The following STAG1 variants were observed in gnomAD, a reference collection of about 807,000 sequenced individuals.
The protein encoded by STAG1 is cohesin subunit SA-1.
A neutral mutation model predicts 170.9 loss-of-function variants in STAG1; 26 were observed. The ratio of observed to expected loss-of-function variants is 0.15; its 90% CI spans 0.11 to 0.21. The LOEUF (loss-of-function observed/expected upper bound fraction) is 0.21. Ranked by LOEUF, STAG1 falls within the 10% of genes least tolerant of loss-of-function variation. STAG1 has a pLI of 1.00. For missense variants in STAG1, 964 were observed against 1,509.5 expected, an observed-to-expected ratio of 0.64 and a Z score of 5.99; for synonymous variants, 514 against 497.7, an observed-to-expected ratio of 1.03 and a Z score of -0.44.
intron 6 of STAG1, among the ~76,000 whole-genome samples, chr3:136,541,608 C>T (rs1214337651): frequency 2.3e-5 from 3 of 130,458 alleles, no homozygotes; most frequent in South Asian, 2.6e-4. Flanking sequence ...AGAATTTCCA[C>T]GTAAAATAAT....
chr3:136,453,577 C>A (rs34165586), intron 13 of STAG1, among the ~76,000 whole-genome samples: 2 of 144,462 alleles, frequency 1.4e-5, no homozygotes, highest in Non-Finnish European at 3.0e-5. Flanking sequence ...GGTGACAGAG[C>A]GAGACTATGT....
At chr3:136,461,681 C>T (rs1248092279) in intron 13 of STAG1, among the ~76,000 whole-genome samples, 2 of 150,252 alleles carry the variant, frequency 1.3e-5, no homozygotes, top group Non-Finnish European at 3.0e-5. Flanking sequence ...ATAGCATGGG[C>T]AATAAAAGGA....
At position 136,702,127 on chromosome 3, in the gene STAG1, GAGAC is replaced by G. The variant is rs1173316619; in HGVS notation, c.-84+50064_-84+50067del. On this transcript the variant is annotated intron_variant, in intron 1 of 33. Transcript: ENST00000383202. ...AGAGAGAGAGAGAGAGAGAGACAGA[GAGAC>G]AGAGAGACAGAGAGACAGAGAGACA... 9.2e-4 allele frequency among the ~76,000 whole-genome samples: 90 copies of G among 97,318 alleles called. 1 individual carries two copies. Among genetic ancestry groups the G allele is most frequent in the African/African-American group, 6.0e-3 (87 of 14,480 alleles). The allele number at this position is 97,318 out of a possible 152,430, so 63.8% of individuals were successfully genotyped here. A position where few individuals can be genotyped will look rare whatever the true frequency, so the allele number is the denominator to read the frequency against.
rs759390103 is a variant in STAG1, at chr3:136,651,377, A to T, written c.-83-20396T>A. ...CAAGACCCTATCTCACCAAAAATTT[A>T]AAAAAAAAAAAAAAAAAGAATCATG... On this transcript the variant is annotated intron_variant, in intron 1 of 33. Transcript: ENST00000383202. Among the ~76,000 whole-genome samples, 26 of 58,684 alleles carry T rather than the reference A, an allele frequency of 4.4e-4. No individual in the cohort carries two copies. In the South Asian group the frequency reaches 5.4e-3, roughly 12 times the overall value. 38.5% of individuals were successfully genotyped at this position (58,684 alleles called of 152,430 possible). A position where few individuals can be genotyped will look rare whatever the true frequency, so the allele number is the denominator to read the frequency against.
intron 1 of STAG1, among the ~76,000 whole-genome samples, chr3:136,741,471 G>C (rs1934667626): frequency 6.6e-6 from 1 of 152,024 alleles, no homozygotes; most frequent in South Asian, 2.1e-4. Flanking sequence ...TTGTTGGAAG[G>C]AATTTTTTTT....
intron 22 of STAG1, among the ~76,000 whole-genome samples, chr3:136,388,797 C>T (rs1233022215): frequency 6.6e-6 from 1 of 152,116 alleles, no homozygotes; most frequent in Non-Finnish European, 1.5e-5. Flanking sequence ...GATTACTGTA[C>T]CACTTAGGGG....
intron 1 of STAG1, among the ~76,000 whole-genome samples, chr3:136,723,849 G>A (rs1290627021): frequency 2.7e-5 from 4 of 147,424 alleles, no homozygotes; most frequent in African/African-American, 5.0e-5. Context: ...TCAGCCCCCC[G>A]CCCGGCCAGC....
At chr3:136,602,287 A>G (rs111638143) in intron 4 of STAG1, among the ~76,000 whole-genome samples, 101 of 151,532 alleles carry the variant, frequency 6.7e-4, no homozygotes, top group African/African-American at 2.4e-3. Flanking sequence ...GTTGAGGCAG[A>G]AGAATTGCTT....
chr3:136,695,586 C>A (rs1205861773), intron 1 of STAG1, among the ~76,000 whole-genome samples: 1 of 147,776 alleles, frequency 6.8e-6, no homozygotes, highest in Admixed American at 6.8e-5. Flanking sequence ...ATCAAACACA[C>A]AAAAGTCGAA....
At chr3:136,656,420 G>A (rs748297484) in intron 1 of STAG1, among the ~76,000 whole-genome samples, 4 of 149,726 alleles carry the variant, frequency 2.7e-5, no homozygotes, top group Non-Finnish European at 4.4e-5. Context: ...AAATGGTTAA[G>A]ATAGTAAATT....
Position 136,477,343 on chromosome 3 carries a change from A to G in STAG1, c.972T>C (p.Asp324=), listed in dbSNP as rs370899289. 1.2e-6 allele frequency: 2 copies of G among 1,613,290 alleles called. No individual in the cohort carries two copies. The highest frequency in any genetic ancestry group is 1.1e-5 in the South Asian group (1 of 91,004). Residue 324 remains aspartate (D), a synonymous_variant, in exon 10 of 34, where the codon GAT becomes GAC. Transcript: ENST00000383202. ...TTAGGTAACTGTCATTTAGGAAGGC[A>G]TCACTATACATTTTCATCCATACTC... ...EIGVWMKMYS[D]AFLNDSYLKY... is the part of the protein sequence containing the mutation.
chr3:136,610,212 T>A (rs758601717), intron 3 of STAG1, among the ~76,000 whole-genome samples: 12 of 152,066 alleles, frequency 7.9e-5, no homozygotes, highest in Non-Finnish European at 1.8e-4. Context: ...AATCTTTGTA[T>A]TCTTAGTAGA....
chr3:136,517,779 C>T (rs1044313557), intron 7 of STAG1, among the ~76,000 whole-genome samples: 3 of 151,922 alleles, frequency 2.0e-5, no homozygotes, highest in East Asian at 1.9e-4. Context: ...ACTGAGATAG[C>T]TATTTCAAAT....
At chr3:136,738,262 G>A (rs927188728) in intron 1 of STAG1, among the ~76,000 whole-genome samples, 17 of 151,736 alleles carry the variant, frequency 1.1e-4, no homozygotes, top group African/African-American at 2.4e-4. Flanking sequence ...AGGCCAAGGC[G>A]GGCAGATCAC....
intron 1 of STAG1, among the ~76,000 whole-genome samples, chr3:136,661,694 G>A (rs1409721523): frequency 2.0e-5 from 3 of 152,200 alleles, no homozygotes; most frequent in Non-Finnish European, 1.5e-5. Flanking sequence ...AACAAACTCT[G>A]AACAAAATCA....
At chr3:136,570,697 C>T (rs1301482364) in intron 4 of STAG1, among the ~76,000 whole-genome samples, 1 of 152,202 alleles carries the variant, frequency 6.6e-6, no homozygotes, top group Admixed American at 6.5e-5. Context: ...GCTCTACATC[C>T]TCACCCAAGA....
At chr3:136,338,515 C>A in intron 32 of STAG1, 65 bp from the exon 33 acceptor site, 2 of 1,192,604 alleles carry the variant, frequency 1.7e-6, no homozygotes, top group Non-Finnish European at 2.5e-6. Context: ...TTGTGATAAT[C>A]AGCTAATATT....
intron 5 of STAG1, among the ~76,000 whole-genome samples, chr3:136,558,215 A>G (rs1936700551): frequency 6.6e-6 from 1 of 152,056 alleles, no homozygotes; most frequent in African/African-American, 2.4e-5. Context: ...AACAGGGAGA[A>G]ACCCCATCTC....
At chr3:136,424,064 C>T (rs1300865401) in intron 16 of STAG1, among the ~76,000 whole-genome samples, 1 of 151,676 alleles carries the variant, frequency 6.6e-6, no homozygotes, top group Non-Finnish European at 1.5e-5. Context: ...GGTTTCACCA[C>T]GTTGACGAGG....
Sources: allele counts gnomAD v4.1 joint callset (sites outside exome capture counted in the v4.1 genomes callset), GRCh38; gene constraint gnomAD v4.1.1; transcripts MANE v1.5; gene names NCBI Gene and HGNC (gene_info 2026-07-23, HGNC 2026-07-21).